TCF7L1: variants seen among roughly 807,000 people sequenced by gnomAD.
TCF7L1 encodes transcription factor 7 like 1.
A neutral mutation model predicts 63.7 loss-of-function variants in TCF7L1; 18 were observed. That is an observed-to-expected ratio of 0.28 (90% confidence interval 0.20 to 0.42). The LOEUF is 0.42. TCF7L1 is among the 10% of genes least tolerant of loss of function. The pLI is 1.00. For synonymous variants in TCF7L1, 355 were observed against 340.9 expected, an observed-to-expected ratio of 1.04 and a Z score of -0.46; for missense variants, 654 against 779.3, an observed-to-expected ratio of 0.84 and a Z score of 1.91.
intron 4 of TCF7L1, among the ~76,000 whole-genome samples, chr2:85,289,766 G>A (rs1157368837): frequency 6.6e-6 from 1 of 151,972 alleles, no homozygotes; most frequent in Non-Finnish European, 1.5e-5. Context: ...CCACCTCCTG[G>A]GTTCAAGAGA....
At chr2:85,256,114 C>T (rs996397647) in intron 3 of TCF7L1, among the ~76,000 whole-genome samples, 4 of 152,108 alleles carry the variant, frequency 2.6e-5, no homozygotes, top group Admixed American at 6.5e-5. Context: ...GAGGGGTGGG[C>T]GCAGGAGCAG....
At chr2:85,293,199 C>G (rs1450523934) in intron 4 of TCF7L1, among the ~76,000 whole-genome samples, 2 of 152,108 alleles carry the variant, frequency 1.3e-5, no homozygotes, top group African/African-American at 4.8e-5. Flanking sequence ...GTATCCCCAC[C>G]CAAATCTTGT....
intron 3 of TCF7L1, among the ~76,000 whole-genome samples, chr2:85,248,477 C>T (rs1209756185): frequency 2.6e-5 from 4 of 152,158 alleles, no homozygotes; most frequent in Non-Finnish European, 5.9e-5. Context: ...CAAACTAGAG[C>T]GGACAGGCCC....
At chr2:85,144,506 G>A (rs572718853) in intron 3 of TCF7L1, among the ~76,000 whole-genome samples, 2 of 152,120 alleles carry the variant, frequency 1.3e-5, no homozygotes, top group Admixed American at 1.3e-4. Context: ...GGAAGCTGAG[G>A]TGGGAGGATT....
At chr2:85,293,839 G>C (rs1681778709) in intron 4 of TCF7L1, among the ~76,000 whole-genome samples, 1 of 152,028 alleles carries the variant, frequency 6.6e-6, no homozygotes, top group Non-Finnish European at 1.5e-5. Flanking sequence ...TCTCTTGGTT[G>C]TCGTCTTCTC....
Position 85,134,495 on chromosome 2 carries a change from C to A in TCF7L1, c.441+45C>A, listed in dbSNP as rs79381744. ...GCCGGGGAGGGTGGGAGGCCGCGGC[C>A]CGCAGGATGCGCCCCCGGGCTTGGC... On this transcript the variant is annotated intron_variant, in intron 3 of 11. Transcript: ENST00000282111. This position sits in a 1 kb window ranked among gnomAD's most constrained non-coding sequence, Gnocchi z 5.0. 1 of 1,541,404 alleles carries A rather than the reference C, an allele frequency of 6.5e-7. No individual in the cohort carries two copies. Among genetic ancestry groups the A allele is most frequent in the Non-Finnish European group, 8.8e-7 (1 of 1,142,644 alleles).
intron 3 of TCF7L1, among the ~76,000 whole-genome samples, chr2:85,191,344 T>G (rs745764185): frequency 6.6e-6 from 1 of 152,232 alleles, no homozygotes; most frequent in African/African-American, 2.4e-5. Context: ...CGCCAGCTTC[T>G]TCTGTTAGGC....
intron 7 of TCF7L1, 81 bp from the exon 8 acceptor site, chr2:85,305,179 G>A: frequency 6.3e-7 from 1 of 1,596,836 alleles, no homozygotes; most frequent in Non-Finnish European, 8.6e-7. Context: ...CCTTAAGGCA[G>A]AGAGCCACCG....
intron 3 of TCF7L1, among the ~76,000 whole-genome samples, chr2:85,239,944 TAAA>T (rs11337671): frequency 3.8e-5 from 4 of 104,366 alleles, no homozygotes; most frequent in Admixed American, 9.8e-5. Context: ...AGACTCCATC[TAAA>T]AAAAAAAAAA....
chr2:85,290,530 TC>T (rs1205552162), intron 4 of TCF7L1, among the ~76,000 whole-genome samples: 1 of 152,222 alleles, frequency 6.6e-6, no homozygotes, highest in Non-Finnish European at 1.5e-5. Context: ...AGTATATAGT[TC>T]TGTGAGTTTT....
intron 3 of TCF7L1, among the ~76,000 whole-genome samples, chr2:85,202,393 G>A (rs1457920353): frequency 6.6e-6 from 1 of 151,698 alleles, no homozygotes. Flanking sequence ...TCATTCTGTG[G>A]GTTGTCTTTT....
intron 3 of TCF7L1, among the ~76,000 whole-genome samples, chr2:85,170,618 C>G (rs967645997): frequency 1.3e-5 from 2 of 151,868 alleles, no homozygotes; most frequent in African/African-American, 2.4e-5. Flanking sequence ...TCTTCTTCCT[C>G]TCTCTCTCTC....
intron 3 of TCF7L1, among the ~76,000 whole-genome samples, chr2:85,144,419 A>G (rs1240736037): frequency 3.0e-5 from 1 of 33,024 alleles, no homozygotes; most frequent in Non-Finnish European, 5.9e-5. Flanking sequence ...TGTCTCTACA[A>G]AAAAAAAAAA....
intron 3 of TCF7L1, among the ~76,000 whole-genome samples, chr2:85,202,833 A>T (rs1572989777): frequency 6.6e-6 from 1 of 151,662 alleles, no homozygotes; most frequent in East Asian, 1.9e-4. Context: ...GTACCTCCGA[A>T]CTCTTTTTCT....
At chr2:85,214,192 G>A (rs548281793) in intron 3 of TCF7L1, among the ~76,000 whole-genome samples, 1 of 152,132 alleles carries the variant, frequency 6.6e-6, no homozygotes, top group African/African-American at 2.4e-5. Context: ...AGGAGTGAAA[G>A]ATGGTGGCTG....
intron 3 of TCF7L1, among the ~76,000 whole-genome samples, chr2:85,185,651 C>T (rs921571036): frequency 1.3e-5 from 2 of 152,008 alleles, no homozygotes; most frequent in African/African-American, 4.8e-5. Flanking sequence ...GGGGAGGCTG[C>T]ATTGGAGAGA....
intron 3 of TCF7L1, among the ~76,000 whole-genome samples, chr2:85,159,863 C>G (rs1678245405): frequency 6.6e-6 from 1 of 152,194 alleles, no homozygotes; most frequent in Admixed American, 6.5e-5. Flanking sequence ...CAGGGGGACC[C>G]AGCTTCCTCC....
At chr2:85,158,793 G>A (rs1574083342) in intron 3 of TCF7L1, among the ~76,000 whole-genome samples, 2 of 152,240 alleles carry the variant, frequency 1.3e-5, no homozygotes, top group Non-Finnish European at 2.9e-5. Context: ...TTGAAGGCCG[G>A]CCCTTTGGAG....
Position 85,134,550 on chromosome 2 carries a change from C to T in TCF7L1, c.441+100C>T. The T allele has an allele frequency of 1.4e-6, 2 of 1,454,914 alleles. No homozygotes were observed. Among genetic ancestry groups the T allele is most frequent in the Non-Finnish European group, 1.8e-6 (2 of 1,097,014 alleles). 90.1% of individuals were successfully genotyped at this position (1,454,914 alleles called of 1,614,324 possible). ...GAGTGGGGGATGGGGCCTTCTGCGC[C>T]GATCCCAAGCAGAACTTGTTTGCGG... On this transcript the variant is annotated intron_variant, in intron 3 of 11. Transcript: ENST00000282111. The surrounding 1 kb of genome is among the most constrained non-coding windows in gnomAD (Gnocchi z 5.0).
Sources: allele counts gnomAD v4.1 joint callset (sites outside exome capture counted in the v4.1 genomes callset), GRCh38; gene constraint gnomAD v4.1.1; non-coding constraint Gnocchi (gnomAD v3.1); transcripts MANE v1.5; gene names NCBI Gene and HGNC (gene_info 2026-07-23, HGNC 2026-07-21).